The following EPHA5 variants were observed in gnomAD, a reference collection of about 807,000 sequenced individuals.
EPHA5 encodes the protein EPH receptor A5, also known as ephrin type-A receptor 5.
Under a neutral mutation model 105.0 loss-of-function variants are expected in EPHA5, and 60 were observed. That is an observed-to-expected ratio of 0.57 (90% confidence interval 0.46 to 0.71). EPHA5 has a LOEUF of 0.71. EPHA5 is among the 30% of genes least tolerant of loss of function. The pLI is 0.00. For synonymous variants in EPHA5, 513 were observed against 449.1 expected (o/e 1.14, Z -1.80); for missense variants, 1,218 against 1,274.7 (o/e 0.96, Z 0.68).
At chr4:65,378,351 T>A (rs1719213428) in intron 8 of EPHA5, among the ~76,000 whole-genome samples, 1 of 151,964 alleles carries the variant, frequency 6.6e-6, no homozygotes, top group African/African-American at 2.4e-5. Flanking sequence ...TTACAGTATA[T>A]CAGATTATTA....
intron 5 of EPHA5, among the ~76,000 whole-genome samples, chr4:65,427,592 A>G (rs1049230428): frequency 2.6e-5 from 4 of 152,216 alleles, no homozygotes; most frequent in Non-Finnish European, 5.9e-5. Context: ...TCTCTTCATA[A>G]GGCTTTCCAT....
At chr4:65,641,533 T>C (rs114236479) in intron 2 of EPHA5, among the ~76,000 whole-genome samples, 93 of 152,310 alleles carry the variant, frequency 6.1e-4, no homozygotes, top group African/African-American at 2.2e-3. Context: ...AAAAACATTT[T>C]AAGTCTATAT....
chr4:65,609,243 C>A (rs58412814), intron 2 of EPHA5, among the ~76,000 whole-genome samples: 3,586 of 152,112 alleles, frequency 0.024, 130 homozygotes, highest in African/African-American at 0.082. Flanking sequence ...CAGCTTTCAG[C>A]AAAAATCATT....
chr4:65,514,225 T>C (rs1221068072), intron 3 of EPHA5, among the ~76,000 whole-genome samples: 2 of 152,136 alleles, frequency 1.3e-5, no homozygotes, highest in Non-Finnish European at 2.9e-5. Context: ...CTGCCACAGA[T>C]ATTCCATTCC....
chr4:65,640,697 G>A (rs1747587109), intron 2 of EPHA5, among the ~76,000 whole-genome samples: 1 of 152,084 alleles, frequency 6.6e-6, no homozygotes, highest in African/African-American at 2.4e-5. Context: ...TGTGCATGTT[G>A]GGACATTCCT....
At chr4:65,465,760 C>G (rs1417486304) in intron 5 of EPHA5, among the ~76,000 whole-genome samples, 1 of 152,086 alleles carries the variant, frequency 6.6e-6, no homozygotes, top group African/African-American at 2.4e-5. Flanking sequence ...GGAAAAGATC[C>G]CCGCTTTAGC....
At chr4:65,365,224 A>G (rs1047736764) in intron 10 of EPHA5, 22 bp from the exon 11 acceptor site, 2 of 1,603,516 alleles carry the variant, frequency 1.2e-6, no homozygotes, top group African/African-American at 2.7e-5. Context: ...GATGAAAAAA[A>G]TGCAAAAACT....
At chr4:65,574,370 AATAAT>A (rs1356546694) in intron 3 of EPHA5, 20 of 887,866 alleles carry the variant, frequency 2.3e-5, no homozygotes, top group Middle Eastern at 3.9e-4. Flanking sequence ...ACAAAAAAAA[AATAAT>A]AATAATAAAA....
intron 3 of EPHA5, among the ~76,000 whole-genome samples, chr4:65,512,555 C>A (rs750486256): frequency 2.0e-5 from 3 of 151,946 alleles, no homozygotes; most frequent in East Asian, 3.9e-4. Flanking sequence ...AGTACCTCCC[C>A]GCTCTGTCTC....
chr4:65,526,405 T>C (rs1171085541), intron 3 of EPHA5, among the ~76,000 whole-genome samples: 2 of 151,872 alleles, frequency 1.3e-5, no homozygotes, highest in East Asian at 1.9e-4. Context: ...TCCAGCCTCA[T>C]ATATAAAAGG....
At chr4:65,634,232 A>C (rs1407126793) in intron 2 of EPHA5, among the ~76,000 whole-genome samples, 3 of 152,100 alleles carry the variant, frequency 2.0e-5, no homozygotes, top group African/African-American at 7.2e-5. Context: ...AAAGAATAAA[A>C]TATTGGCATT....
At chr4:65,385,348 A>G (rs978276247) in intron 8 of EPHA5, among the ~76,000 whole-genome samples, 1 of 151,914 alleles carries the variant, frequency 6.6e-6, no homozygotes, top group African/African-American at 2.4e-5. Flanking sequence ...AGGTGGAAAA[A>G]TCAGAAAGAC....
At chr4:65,558,252 T>G (rs1221495213) in intron 3 of EPHA5, among the ~76,000 whole-genome samples, 4 of 152,174 alleles carry the variant, frequency 2.6e-5, no homozygotes. Context: ...TATGGTTATA[T>G]GTGCATTTAT....
chr4:65,564,987 A>G (rs1739382035), intron 3 of EPHA5, among the ~76,000 whole-genome samples: 1 of 151,690 alleles, frequency 6.6e-6, no homozygotes, highest in Non-Finnish European at 1.5e-5. Flanking sequence ...ATTTCCACTT[A>G]TTCATTACAT....
intron 3 of EPHA5, 33 bp from the exon 4 acceptor site, chr4:65,495,576 C>T (rs778280358): frequency 1.3e-6 from 2 of 1,578,124 alleles, no homozygotes; most frequent in Non-Finnish European, 1.7e-6. Flanking sequence ...AAGCTTTTCC[C>T]TGGAACAGAT....
intron 5 of EPHA5, among the ~76,000 whole-genome samples, chr4:65,433,345 C>T (rs776027211): frequency 3.9e-5 from 6 of 152,158 alleles, no homozygotes; most frequent in Non-Finnish European, 8.8e-5. Flanking sequence ...ATTCTGATTA[C>T]TAGGCCTCTC....
At chr4:65,650,559 C>CAAAAAAAAAAAAAAAAAAAAAAAAAA (rs59357895) in intron 1 of EPHA5, among the ~76,000 whole-genome samples, 18 of 117,000 alleles carry the variant, frequency 1.5e-4, no homozygotes, top group African/African-American at 5.9e-4. Context: ...GACTCAGTCT[C>CAAAAAAAAAAAAAAAAAAAAAAAAAA]AAAAAAAAAA....
intron 3 of EPHA5, among the ~76,000 whole-genome samples, chr4:65,565,046 C>T (rs13124331): frequency 0.044 from 6,699 of 151,592 alleles, 202 homozygotes; most frequent in South Asian, 0.093. Context: ...AGATAGAGGG[C>T]TGGCAGAAGC....
At chr4:65,330,895 T>C in intron 16 of EPHA5, 2 of 1,037,176 alleles carry the variant, frequency 1.9e-6, no homozygotes, top group Non-Finnish European at 2.3e-6. Flanking sequence ...TTCAGGTCCT[T>C]TTAGTTATCG....
Sources: allele counts gnomAD v4.1 joint callset (sites outside exome capture counted in the v4.1 genomes callset), GRCh38; gene constraint gnomAD v4.1.1; transcripts MANE v1.5; gene names NCBI Gene and HGNC (gene_info 2026-07-23, HGNC 2026-07-21).